CPE: variants seen among roughly 807,000 people sequenced by gnomAD.
CPE encodes the protein carboxypeptidase E, also known as carbocypeptidase E.
In CPE, 17 loss-of-function variants were observed where a neutral mutation model predicts 53.5. That is an observed-to-expected ratio of 0.32 (90% confidence interval 0.22 to 0.48). The LOEUF is 0.48. Among genes scored for constraint, CPE ranks in the 20% least tolerant of loss-of-function variants. CPE has a pLI of 0.99. For missense variants in CPE, 524 were observed against 614.7 expected (o/e 0.85, Z 1.56); for synonymous variants, 226 against 228.8 (o/e 0.99, Z 0.11).
chr4:165,386,165 T>C, intron 1 of CPE: 2 of 483,844 alleles, frequency 4.1e-6, no homozygotes, highest in Non-Finnish European at 8.2e-6. Flanking sequence ...AATGAGGTGG[T>C]AAATATAAAG....
At chr4:165,445,985 A>G (rs1190509985) in intron 1 of CPE, among the ~76,000 whole-genome samples, 1 of 152,140 alleles carries the variant, frequency 6.6e-6, no homozygotes, top group Non-Finnish European at 1.5e-5. Context: ...TTTATGATAA[A>G]GGTAGAATTT....
chr4:165,386,317 G>A (rs1263759681), intron 1 of CPE: 2 of 492,366 alleles, frequency 4.1e-6, no homozygotes, highest in Middle Eastern at 6.9e-4. Context: ...TGTGCTCTAG[G>A]ATTGTATTTT....
intron 6 of CPE, among the ~76,000 whole-genome samples, chr4:165,491,750 G>T (rs955909921): frequency 6.6e-6 from 1 of 151,538 alleles, no homozygotes; most frequent in African/African-American, 2.4e-5. Context: ...AAGAAAAATG[G>T]CACACACAAA....
chr4:165,489,670 AT>A (rs1732566988), intron 6 of CPE, among the ~76,000 whole-genome samples: 1 of 152,246 alleles, frequency 6.6e-6, no homozygotes, highest in Admixed American at 6.5e-5. Flanking sequence ...TGCTGTTTAA[AT>A]CATCTCTTAG....
intron 1 of CPE, among the ~76,000 whole-genome samples, chr4:165,419,586 G>T (rs1731173531): frequency 6.6e-6 from 1 of 152,080 alleles, no homozygotes; most frequent in Non-Finnish European, 1.5e-5. Flanking sequence ...TCAAAACCAA[G>T]TTTCAGTTTC....
At chr4:165,486,765 T>G (rs1444095543) in intron 5 of CPE, among the ~76,000 whole-genome samples, 1 of 152,206 alleles carries the variant, frequency 6.6e-6, no homozygotes, top group African/African-American at 2.4e-5. Flanking sequence ...CCCCACATTT[T>G]TCCTCTGTCC....
intron 1 of CPE, among the ~76,000 whole-genome samples, chr4:165,463,711 G>T (rs1732049803): frequency 6.6e-6 from 1 of 152,200 alleles, no homozygotes; most frequent in Non-Finnish European, 1.5e-5. Context: ...AATGAAGTTG[G>T]ATAATAATAC....
intron 7 of CPE, 55 bp from the exon 8 acceptor site, chr4:165,495,504 G>C: frequency 8.5e-7 from 1 of 1,183,286 alleles, no homozygotes; most frequent in African/African-American, 1.5e-5. Flanking sequence ...ATTATGCATT[G>C]TGTAATTCTG....
intron 1 of CPE, among the ~76,000 whole-genome samples, chr4:165,461,663 A>G (rs1204983039): frequency 6.6e-6 from 1 of 152,186 alleles, no homozygotes; most frequent in Non-Finnish European, 1.5e-5. Flanking sequence ...TGTCCATTGC[A>G]TGTCTGAGTC....
intron 1 of CPE, among the ~76,000 whole-genome samples, chr4:165,458,983 G>T (rs754324561): frequency 6.6e-6 from 1 of 152,126 alleles, no homozygotes; most frequent in Non-Finnish European, 1.5e-5. Flanking sequence ...TGTTTCAGTG[G>T]CTCTCTGGTC....
chr4:165,488,521 T>A (rs1732547318), intron 6 of CPE, among the ~76,000 whole-genome samples: 1 of 152,144 alleles, frequency 6.6e-6, no homozygotes, highest in Admixed American at 6.5e-5. Flanking sequence ...GACCTAAGAC[T>A]CTGTTCATTC....
intron 1 of CPE, among the ~76,000 whole-genome samples, chr4:165,415,693 T>TTATATTTGTCACAAATATAGCA (rs1316746355): frequency 6.6e-6 from 1 of 152,070 alleles, no homozygotes; most frequent in Admixed American, 6.6e-5. Context: ...GTGTTACATG[T>TTATATTTGTCACAAATATAGCA]TATATTTGTC....
Position 165,379,236 on chromosome 4 carries a change from G to A in CPE, c.15G>A (p.Gly5=), listed in dbSNP as rs940744414. The A allele has an allele frequency of 4.0e-6, 5 of 1,250,872 alleles. No individual in the cohort carries two copies. The African/African-American group carries it at 4.7e-5, about 12-fold the overall frequency. 77.5% of individuals were successfully genotyped at this position (1,250,872 alleles called of 1,614,324 possible). A position where few individuals can be genotyped will look rare whatever the true frequency, so the allele number is the denominator to read the frequency against. The change falls in exon 1 of 9, where the codon GGG becomes GGA. Residue 5 remains glycine (G), a synonymous_variant. Transcript: ENST00000402744. The surrounding 1 kb of genome is among the most constrained non-coding windows in gnomAD (Gnocchi z 6.0). ...GGAGCGCAGCGATGGCCGGGCGAGG[G>A]GGCAGCGCGCTGCTGGCTCTGTGCG... The part of the protein sequence containing the change: MAGR[G]GSALLALCGA...
rs1165744951 is a variant in CPE, at chr4:165,467,712, G to T, written c.529G>T (p.Val177Leu). The change falls in exon 3 of 9, where the codon GTG (valine) becomes TTG (leucine). Residue 177 changes from valine (V) to leucine (L), a missense_variant. Val to Leu is a conservative substitution (Grantham distance 32). Coordinates refer to ENST00000402744, the MANE Select transcript of CPE (RefSeq NM_001873.4). ...GCCTGGTGAACTCAAGGACTGGTTT[G>T]TGGGTCGAAGCAATGCCCAGGGAAT... is the stretch of plus-strand genomic sequence containing the variant. ...SQPGELKDWF[V>L]GRSNAQGIDL... The T allele has an allele frequency of 6.2e-7, 1 of 1,607,364 alleles. No individual in the cohort carries two copies. Among genetic ancestry groups the T allele is most frequent in the Admixed American group, 1.7e-5 (1 of 59,190 alleles).
At chr4:165,435,098 G>C (rs917488633) in intron 1 of CPE, among the ~76,000 whole-genome samples, 1 of 152,172 alleles carries the variant, frequency 6.6e-6, no homozygotes, top group Non-Finnish European at 1.5e-5. Context: ...TTCTTGTGCA[G>C]CCTGCAAAAC....
intron 1 of CPE, chr4:165,404,911 A>G: frequency 1.3e-6 from 1 of 760,816 alleles, no homozygotes. Flanking sequence ...CAGCGATTTC[A>G]CTGACTGGGA....
chr4:165,443,635 A>G (rs1731653930), intron 1 of CPE, among the ~76,000 whole-genome samples: 1 of 152,090 alleles, frequency 6.6e-6, no homozygotes, highest in Non-Finnish European at 1.5e-5. Flanking sequence ...CTCTTCTTAT[A>G]AGGACACCAG....
At chr4:165,475,900 G>A (rs1732291245) in intron 3 of CPE, among the ~76,000 whole-genome samples, 1 of 152,148 alleles carries the variant, frequency 6.6e-6, no homozygotes, top group African/African-American at 2.4e-5. Context: ...CTAGTGGTTG[G>A]TCAGTAAGCA....
At chr4:165,380,669 CTG>C (rs1206023148) in intron 1 of CPE, among the ~76,000 whole-genome samples, 1 of 152,058 alleles carries the variant, frequency 6.6e-6, no homozygotes, top group Non-Finnish European at 1.5e-5. Flanking sequence ...AAGAACCAAA[CTG>C]AGAAGAGATT....
Sources: allele counts gnomAD v4.1 joint callset (sites outside exome capture counted in the v4.1 genomes callset), GRCh38; gene constraint gnomAD v4.1.1; non-coding constraint Gnocchi (gnomAD v3.1); transcripts MANE v1.5; gene names NCBI Gene and HGNC (gene_info 2026-07-23, HGNC 2026-07-21).